The following ATP6V1H variants were observed in gnomAD, a reference collection of about 807,000 sequenced individuals.
ATP6V1H encodes the protein V-type proton ATPase subunit H.
In ATP6V1H, 39 loss-of-function variants were observed where a neutral mutation model predicts 71.7. The ratio of observed to expected loss-of-function variants is 0.54; its 90% confidence interval spans 0.42 to 0.71. The LOEUF is 0.71. Among genes scored for constraint, ATP6V1H ranks in the 30% least tolerant of loss-of-function variants. The pLI, the probability that ATP6V1H is intolerant of heterozygous loss-of-function variation, is 0.00. For missense variants in ATP6V1H, 509 were observed against 594.9 expected (o/e 0.86, Z 1.50); for synonymous variants, 192 against 199.3 (o/e 0.96, Z 0.31).
At chr8:53,835,616 T>C (rs1026808077) in intron 2 of ATP6V1H, among the ~76,000 whole-genome samples, 18 of 152,382 alleles carry the variant, frequency 1.2e-4, no homozygotes, top group African/African-American at 4.3e-4. Context: ...TCTGTCTTCT[T>C]ACATCAGTTT....
At chr8:53,724,975 C>G (rs1368591084) in intron 13 of ATP6V1H, among the ~76,000 whole-genome samples, 10 of 151,780 alleles carry the variant, frequency 6.6e-5, no homozygotes, top group African/African-American at 1.9e-4. Flanking sequence ...TACCTACAAA[C>G]TTAAATAAAT....
At chr8:53,841,504 T>C (rs1022140224) in intron 2 of ATP6V1H, 74 bp downstream of exon 2, 1 of 1,489,936 alleles carries the variant, frequency 6.7e-7, no homozygotes, top group Non-Finnish European at 9.3e-7. Context: ...ATTTCTCTCA[T>C]AGAAGCATGA....
chr8:53,795,538 T>G, intron 9 of ATP6V1H, 109 bp downstream of exon 9: 1 of 988,810 alleles, frequency 1.0e-6, no homozygotes, highest in Non-Finnish European at 1.5e-6. Context: ...ACTCTATGGT[T>G]TCATAACCAC....
Position 53,733,981 on chromosome 8 carries a change from T to C in ATP6V1H, c.1391+9596A>G, listed in dbSNP as rs12681318. 1.4e-4 allele frequency among the ~76,000 whole-genome samples: 21 copies of C among 151,964 alleles called. No individual in the cohort carries two copies. The East Asian group carries it at 3.9e-3, about 28-fold the overall frequency. On this transcript the variant is annotated intron_variant, in intron 13 of 13. Transcript: ENST00000359530. ...TACCTCTCTAAACAACTAGACGGGG[T>C]TTCTAAAGGTTGCCCCCCATGTTTG...
Position 53,811,183 on chromosome 8 carries a change from C to T in ATP6V1H, c.560G>A (p.Gly187Glu), listed in dbSNP as rs748087767. 6 of 1,613,230 alleles carry T rather than the reference C, an allele frequency of 3.7e-6. No individual in the cohort carries two copies. Among genetic ancestry groups the T allele is most frequent in the Non-Finnish European group, 5.1e-6 (6 of 1,179,444 alleles). The change falls in exon 7 of 14, where the codon GGA becomes GAA. Residue 187 changes from glycine to glutamate, a missense_variant. Physicochemically the swap from Gly to Glu is moderately conservative, Grantham distance 98. This residue lies in a region of ATP6V1H where 297 missense variants were observed against 303.3 expected (regional missense o/e 0.98). Transcript: ENST00000359530. ...LRGSGVAVET[G>E]TVSSSDSSQY... The stretch of plus-strand genomic sequence containing the variant: ...ACTTACATCACTTGAAGAGACTGTT[C>T]CTGTTTCAACAGCAACACCGCTACC...
intron 13 of ATP6V1H, chr8:53,739,773 A>T (rs1807350382): frequency 1.3e-5 from 2 of 152,236 alleles, no homozygotes. Context: ...AGCACTGCAC[A>T]AAAGAACAAA....
At chr8:53,744,367 G>C (rs1217025382) in intron 12 of ATP6V1H, among the ~76,000 whole-genome samples, 1 of 151,788 alleles carries the variant, frequency 6.6e-6, no homozygotes, top group African/African-American at 2.4e-5. Flanking sequence ...AAACACAAAG[G>C]AAAGTAAAAA....
intron 12 of ATP6V1H, among the ~76,000 whole-genome samples, chr8:53,749,406 T>C (rs932846651): frequency 1.3e-5 from 2 of 152,148 alleles, no homozygotes; most frequent in Non-Finnish European, 2.9e-5. Flanking sequence ...TGAATCACCA[T>C]CAAAATCAAG....
At chr8:53,814,935 T>C (rs968813642) in intron 5 of ATP6V1H, among the ~76,000 whole-genome samples, 169 bp from the exon 6 acceptor site, 4 of 152,180 alleles carry the variant, frequency 2.6e-5, no homozygotes, top group African/African-American at 7.2e-5. Context: ...GAAACAAACA[T>C]TAAAAATATA....
In ATP6V1H at chr8:53,772,947, T is replaced by A. The variant is rs1585769995; in HGVS notation, c.871-780A>T. Among the ~76,000 whole-genome samples the A allele has an allele frequency of 2.1e-5, 3 of 146,114 alleles. 1 individual carries two copies. The highest frequency in any genetic ancestry group is 3.6e-3 in the Middle Eastern group (1 of 280). ...ACAAAACAGTAACAATTAACTCCAA[T>A]TGTAAAAAAACTTGAATTTTTTTTT... On this transcript the variant is annotated intron_variant, in intron 9 of 13. Transcript: ENST00000359530.
At chr8:53,741,333 A>G (rs1296810733) in intron 13 of ATP6V1H, among the ~76,000 whole-genome samples, 1 of 152,242 alleles carries the variant, frequency 6.6e-6, no homozygotes, top group Non-Finnish European at 1.5e-5. Context: ...CTTGCCTTTC[A>G]TATTAGGAAT....
intron 4 of ATP6V1H, among the ~76,000 whole-genome samples, chr8:53,822,067 A>C (rs1810682260): frequency 6.6e-6 from 1 of 152,214 alleles, no homozygotes; most frequent in African/African-American, 2.4e-5. Flanking sequence ...AAGTAAAACT[A>C]AATTATAAGG....
chr8:53,775,454 G>C (rs1218919451), intron 9 of ATP6V1H, among the ~76,000 whole-genome samples: 1 of 152,226 alleles, frequency 6.6e-6, no homozygotes, highest in Non-Finnish European at 1.5e-5. Context: ...CGAGTGGCCT[G>C]TTTTGACAGG....
intron 5 of ATP6V1H, among the ~76,000 whole-genome samples, 155 bp from the exon 6 acceptor site, chr8:53,814,921 T>C (rs1370854743): frequency 2.0e-5 from 3 of 152,230 alleles, no homozygotes; most frequent in African/African-American, 7.2e-5. Flanking sequence ...TTAAAATATA[T>C]TTTGAAACAA....
At chr8:53,775,369 T>A (rs1302257269) in intron 9 of ATP6V1H, among the ~76,000 whole-genome samples, 1 of 152,158 alleles carries the variant, frequency 6.6e-6, no homozygotes, top group Non-Finnish European at 1.5e-5. Context: ...CCGGAGCGGG[T>A]TGCCAATGCT....
At chr8:53,794,921 G>A (rs1253195572) in intron 9 of ATP6V1H, among the ~76,000 whole-genome samples, 2 of 152,158 alleles carry the variant, frequency 1.3e-5, no homozygotes, top group African/African-American at 4.8e-5. Flanking sequence ...GCAGAGGGTA[G>A]GCACTATATG....
intron 13 of ATP6V1H, among the ~76,000 whole-genome samples, chr8:53,737,889 T>C (rs1807278523): frequency 6.6e-6 from 1 of 152,216 alleles, no homozygotes; most frequent in African/African-American, 2.4e-5. Context: ...TTTTGGTCAA[T>C]TCCTCAGGTT....
intron 2 of ATP6V1H, chr8:53,833,337 C>A: frequency 4.9e-6 from 2 of 411,488 alleles, no homozygotes; most frequent in Non-Finnish European, 8.8e-6. Flanking sequence ...AGGGGCTGTA[C>A]TGAGGATAAA....
intron 7 of ATP6V1H, among the ~76,000 whole-genome samples, chr8:53,807,841 A>G (rs909170647): frequency 1.3e-5 from 2 of 152,242 alleles, no homozygotes; most frequent in Non-Finnish European, 2.9e-5. Flanking sequence ...AAAACTAAAT[A>G]AAATTGAAAA....
Sources: allele counts gnomAD v4.1 joint callset (sites outside exome capture counted in the v4.1 genomes callset), GRCh38; gene constraint gnomAD v4.1.1; regional missense constraint gnomAD v4.1.1; transcripts MANE v1.5; gene names NCBI Gene and HGNC (gene_info 2026-07-23, HGNC 2026-07-21).